Variants in ZZZ3 observed in about 807,000 individuals in gnomAD.
ZZZ3 encodes zinc finger ZZ-type containing 3.
Under a neutral mutation model 95.2 loss-of-function variants are expected in ZZZ3, and 22 were observed. The ratio of observed to expected loss-of-function variants is 0.23; its 90% CI spans 0.17 to 0.33. The LOEUF (loss-of-function observed/expected upper bound fraction) is 0.33, where lower values mean the gene tolerates loss of function less well. Ranked by LOEUF, ZZZ3 falls within the 10% of genes least tolerant of loss-of-function variation. The pLI, the probability that ZZZ3 is intolerant of heterozygous loss-of-function variation, is 1.00. For missense variants in ZZZ3, 885 were observed against 1,066.5 expected (o/e 0.83, Z 2.37); for synonymous variants, 335 against 358.9 (o/e 0.93, Z 0.75).
intron 5 of ZZZ3, among the ~76,000 whole-genome samples, chr1:77,595,018 T>G (rs1393899241): frequency 6.6e-6 from 1 of 151,930 alleles, no homozygotes; most frequent in Non-Finnish European, 1.5e-5. Context: ...AAACATTATT[T>G]GTAATATTAT....
At chr1:77,567,269 G>C (rs1482342583) in intron 13 of ZZZ3, among the ~76,000 whole-genome samples, 1 of 152,080 alleles carries the variant, frequency 6.6e-6, no homozygotes, top group Non-Finnish European at 1.5e-5. Context: ...CACCAGTCAA[G>C]TTCAGGACAC....
In ZZZ3 at chr1:77,633,149, G is replaced by C; in HGVS notation, c.206C>G (p.Thr69Ser). The C allele has an allele frequency of 1.2e-6, 2 of 1,613,904 alleles. No individual in the cohort carries two copies. The highest frequency in any genetic ancestry group is 2.2e-5 in the South Asian group (2 of 91,062). The change falls in exon 5 of 15, where the codon ACT becomes AGT. Residue 69 changes from threonine (T) to serine (S), a missense_variant. By Grantham distance (58) the Thr-to-Ser change is moderately conservative (BLOSUM62 1). Transcript: ENST00000370801. Reference protein sequence around the residue: ...IQKGNNNGRTTDLKQQSTRES... With the variant: ...IQKGNNNGRTSDLKQQSTRES... ...TCGGGTACTCTGCTGTTTTAAATCA[G>C]TGGTTCTCCCATTATTATTTCCTTT...
intron 5 of ZZZ3, among the ~76,000 whole-genome samples, chr1:77,590,801 G>A (rs1391922146): frequency 6.6e-6 from 1 of 152,156 alleles, no homozygotes; most frequent in Non-Finnish European, 1.5e-5. Context: ...TTCTTTTTAG[G>A]AGATATTTGC....
At chr1:77,565,868 C>A in intron 14 of ZZZ3, 84 bp from the exon 15 acceptor site, 1 of 1,355,924 alleles carries the variant, frequency 7.4e-7, no homozygotes, top group East Asian at 2.4e-5. Context: ...CACAGCTCTC[C>A]CTGTTTAAAT....
intron 5 of ZZZ3, among the ~76,000 whole-genome samples, chr1:77,596,332 A>G (rs977110048): frequency 6.6e-6 from 1 of 152,118 alleles, no homozygotes; most frequent in African/African-American, 2.4e-5. Context: ...GACAATAAAA[A>G]CATCAGTAGT....
At chr1:77,670,421 T>C (rs1570664755) in intron 1 of ZZZ3, among the ~76,000 whole-genome samples, 1 of 152,142 alleles carries the variant, frequency 6.6e-6, no homozygotes, top group South Asian at 2.1e-4. Context: ...CCAGCATGCC[T>C]GGCTAATTTT....
At chr1:77,571,783 G>A (rs1183834666) in intron 12 of ZZZ3, among the ~76,000 whole-genome samples, 1 of 152,170 alleles carries the variant, frequency 6.6e-6, no homozygotes, top group African/African-American at 2.4e-5. Flanking sequence ...TAGAAAAAGG[G>A]GTGCTGGGGA....
At chr1:77,566,227 C>T (rs115789550) in intron 13 of ZZZ3, 46 bp from the exon 14 acceptor site, 61 of 1,378,290 alleles carry the variant, frequency 4.4e-5, no homozygotes, top group Non-Finnish European at 5.6e-5. Flanking sequence ...TACTGTTCCA[C>T]GATCTTTTTT....
intron 1 of ZZZ3, among the ~76,000 whole-genome samples, chr1:77,659,416 C>T (rs904818530): frequency 2.2e-4 from 33 of 151,178 alleles, no homozygotes; most frequent in African/African-American, 7.8e-4. Context: ...GTAATCTCAG[C>T]ACTTTGGGAG....
rs59883033 is a variant in ZZZ3 at position 77,567,849 on chromosome 1, G to A, written c.2466+483C>T. Among the ~76,000 whole-genome samples, 772 of 152,132 alleles carry A rather than the reference G, an allele frequency of 5.1e-3. 6 individuals are homozygous for A. The highest frequency in any genetic ancestry group is 0.018 in the African/African-American group (739 of 41,498). On this transcript the variant is annotated intron_variant, in intron 13 of 14. Transcript: ENST00000370801. ...GAACAACAGCAACAAAAAGAGAAAC[G>A]GCTAAACAAAAGCCCCTCACATTTT...
At chr1:77,600,058 T>C (rs1172922461) in intron 5 of ZZZ3, among the ~76,000 whole-genome samples, 1 of 152,096 alleles carries the variant, frequency 6.6e-6, no homozygotes, top group African/African-American at 2.4e-5. Context: ...CTTCCCAGAA[T>C]CTATCCTAAT....
intron 5 of ZZZ3, among the ~76,000 whole-genome samples, chr1:77,620,730 A>G (rs1334463038): frequency 6.6e-6 from 1 of 152,258 alleles, no homozygotes; most frequent in East Asian, 1.9e-4. Context: ...ACTATGGGAC[A>G]TGGAAATGCA....
intron 5 of ZZZ3, among the ~76,000 whole-genome samples, chr1:77,623,947 G>C (rs985580234): frequency 3.3e-5 from 5 of 152,064 alleles, no homozygotes; most frequent in African/African-American, 1.2e-4. Flanking sequence ...GAGAGAAGTA[G>C]ATCACAACAC....
intron 5 of ZZZ3, among the ~76,000 whole-genome samples, chr1:77,595,292 T>C (rs1309639646): frequency 6.6e-6 from 1 of 152,042 alleles, no homozygotes; most frequent in Admixed American, 6.5e-5. Flanking sequence ...GAAATACACA[T>C]ATGCAAAATT....
intron 12 of ZZZ3, among the ~76,000 whole-genome samples, chr1:77,570,152 G>C (rs1661231126): frequency 6.6e-6 from 1 of 152,058 alleles, no homozygotes; most frequent in Non-Finnish European, 1.5e-5. Flanking sequence ...ACCCAGGCTG[G>C]AGCGCAGTGG....
intron 1 of ZZZ3, among the ~76,000 whole-genome samples, chr1:77,681,769 G>GT (rs1672778255): frequency 6.6e-6 from 1 of 152,038 alleles, no homozygotes; most frequent in Admixed American, 6.6e-5. Context: ...AAGCGCGACT[G>GT]TAATCCCAGC....
At chr1:77,664,045 C>T (rs1378777883) in intron 1 of ZZZ3, among the ~76,000 whole-genome samples, 2 of 150,848 alleles carry the variant, frequency 1.3e-5, no homozygotes, top group African/African-American at 4.9e-5. Context: ...CCATGGCACC[C>T]GGCTAATAAA....
chr1:77,679,231 T>C (rs762537486), intron 1 of ZZZ3, among the ~76,000 whole-genome samples: 5 of 152,198 alleles, frequency 3.3e-5, no homozygotes, highest in African/African-American at 4.8e-5. Context: ...AATACTACTA[T>C]AAAAATGAAA....
At chr1:77,611,450 A>T (rs1011989643) in intron 5 of ZZZ3, among the ~76,000 whole-genome samples, 1 of 152,040 alleles carries the variant, frequency 6.6e-6, no homozygotes, top group African/African-American at 2.4e-5. Flanking sequence ...TCAAAATTCC[A>T]ATGTCATTTT....
Sources: gnomAD v4.1 joint callset for allele counts (sites outside exome capture counted in the v4.1 genomes callset) on GRCh38, gnomAD v4.1.1 for gene constraint, MANE v1.5 for transcripts, NCBI Gene and HGNC (gene_info 2026-07-23, HGNC 2026-07-21) for gene names.